Variants in GCA observed in about 807,000 individuals in gnomAD.
The protein encoded by GCA is grancalcin.
Under a neutral mutation model 32.6 loss-of-function variants are expected in GCA, and 30 were observed. The ratio of observed to expected loss-of-function variants is 0.92; its 90% CI spans 0.69 to 1.25. GCA has a LOEUF of 1.25. GCA is among the 50% of genes most tolerant of loss of function. The probability of loss-of-function intolerance (pLI) is 0.00; values close to 1 mark genes in which losing one functional copy is unlikely to be tolerated. For synonymous variants in GCA, 102 were observed against 84.6 expected (o/e 1.21, Z -1.13); for missense variants, 291 against 266.8 (o/e 1.09, Z -0.63).
At chr2:162,367,268 T>G (rs541334361), downstream of GCA, among the ~76,000 whole-genome samples, 33 of 152,070 alleles carry the variant, frequency 2.2e-4, no homozygotes, top group African/African-American at 6.5e-4. Context: ...TTTAAGACTG[T>G]GTAACATATC....
chr2:162,370,455 C>A (rs928350133), intron 4 of GCA, among the ~76,000 whole-genome samples: 14 of 151,802 alleles, frequency 9.2e-5, no homozygotes, highest in African/African-American at 3.4e-4. Context: ...TACATATGTC[C>A]CCCACAAAAA....
upstream of GCA, among the ~76,000 whole-genome samples, chr2:162,341,272 TA>T (rs1684437621): frequency 9.0e-6 from 1 of 110,638 alleles, no homozygotes; most frequent in Admixed American, 1.2e-4. Flanking sequence ...TTATTTTATA[TA>T]TATATATATA....
chr2:162,332,327 A>ATATATATATAATATATAATATTATT (rs1558886438), intron 1 of GCA, among the ~76,000 whole-genome samples: 2 of 140,860 alleles, frequency 1.4e-5, no homozygotes, highest in East Asian at 4.3e-4. Flanking sequence ...AAAAAAATAT[A>ATATATATATAATATATAATATTATT]TATATATATA....
At chr2:162,357,163 T>C (rs1321603808) in intron 5 of GCA, among the ~76,000 whole-genome samples, 3 of 151,920 alleles carry the variant, frequency 2.0e-5, no homozygotes, top group Non-Finnish European at 2.9e-5. Context: ...AATTTATTTC[T>C]TTGTTAGTAC....
chr2:162,322,380 T>C (rs1434131224), intron 1 of GCA, among the ~76,000 whole-genome samples: 3 of 147,360 alleles, frequency 2.0e-5, no homozygotes, highest in East Asian at 1.9e-4. Context: ...AATTGTTTTA[T>C]TTTACTTTAT....
intron 3 of GCA, among the ~76,000 whole-genome samples, chr2:162,352,735 G>C (rs891197071): frequency 1.3e-5 from 2 of 152,054 alleles, no homozygotes; most frequent in Non-Finnish European, 2.9e-5. Context: ...TGCTATGAAA[G>C]ATGAGGATTT....
intron 1 of GCA, among the ~76,000 whole-genome samples, chr2:162,345,131 G>GGTGGTGGTGGTT (rs146219747): frequency 0.012 from 1,716 of 143,924 alleles, 15 homozygotes; most frequent in Non-Finnish European, 0.015. Context: ...TGGTGGTGGT[G>GGTGGTGGTGGTT]GTGGTTGTGG....
chr2:162,353,967 A>G (rs1259676497), intron 3 of GCA, among the ~76,000 whole-genome samples: 17 of 150,520 alleles, frequency 1.1e-4, no homozygotes, highest in African/African-American at 3.9e-4. Context: ...TGAGTCTTTC[A>G]TTTCTGCTTT....
upstream of GCA, among the ~76,000 whole-genome samples, chr2:162,341,267 T>TTATA (rs3052040): frequency 0.087 from 10,064 of 115,868 alleles, 499 homozygotes; most frequent in Non-Finnish European, 0.11. Context: ...CTTATTTATT[T>TTATA]TATATATATA....
chr2:162,368,643 A>G (rs900005754), intron 4 of GCA, among the ~76,000 whole-genome samples: 4 of 152,016 alleles, frequency 2.6e-5, no homozygotes, highest in Non-Finnish European at 1.5e-5. Context: ...GGACCTTGTA[A>G]GCAATTCTTA....
rs146594371 is a variant in GCA at position 162,324,997 on chromosome 2, G to GA, written c.-31+5782dup. On this transcript the variant is annotated intron_variant, in intron 1 of 4. Transcript: ENST00000429691. Reference sequence around the variant, plus strand: ...AGTTTGATGGCTTCTAGGCATGGGAGAAAAAAAAAACAAGTTCTATAAGGT... The same window carrying GA: ...AGTTTGATGGCTTCTAGGCATGGGAGAAAAAAAAAAACAAGTTCTATAAGGT... 2.4e-4 allele frequency among the ~76,000 whole-genome samples: 36 copies of GA among 147,042 alleles called. 2 individuals carry two copies. In the South Asian group the frequency reaches 4.3e-3, roughly 17 times the overall value.
At chr2:162,322,639 T>C (rs1683720415) in intron 1 of GCA, among the ~76,000 whole-genome samples, 1 of 145,154 alleles carries the variant, frequency 6.9e-6, no homozygotes. Context: ...TTCCCACCTA[T>C]GAGTGAGAAT....
chr2:162,348,965 G>A (rs1008041769), intron 2 of GCA, among the ~76,000 whole-genome samples: 32 of 151,920 alleles, frequency 2.1e-4, no homozygotes, highest in African/African-American at 7.5e-4. Flanking sequence ...TATTATATGA[G>A]TCAAATTCCT....
chr2:162,368,635 A>C (rs1268650101), intron 4 of GCA, among the ~76,000 whole-genome samples: 1 of 152,004 alleles, frequency 6.6e-6, no homozygotes, highest in East Asian at 1.9e-4. Flanking sequence ...CTCCAAAAGG[A>C]CCTTGTAAGC....
intron 1 of GCA, among the ~76,000 whole-genome samples, chr2:162,333,894 G>C (rs1684177806): frequency 6.6e-6 from 1 of 152,152 alleles, no homozygotes; most frequent in Non-Finnish European, 1.5e-5. Flanking sequence ...GTGAACCCTA[G>C]AGATAGCCTG....
chr2:162,372,251 G>A (rs368729924), downstream of GCA, among the ~76,000 whole-genome samples: 9 of 152,112 alleles, frequency 5.9e-5, no homozygotes, highest in Admixed American at 1.3e-4. Flanking sequence ...GAGTCAGGAC[G>A]TCGGAGATTG....
intron 1 of GCA, among the ~76,000 whole-genome samples, chr2:162,344,799 A>C (rs955418388): frequency 6.6e-6 from 1 of 151,980 alleles, no homozygotes; most frequent in Non-Finnish European, 1.5e-5. Flanking sequence ...CTTTGTTATA[A>C]CTTTTATCCT....
At chr2:162,352,057 T>A (rs1194825356) in intron 2 of GCA, among the ~76,000 whole-genome samples, 2 of 152,198 alleles carry the variant, frequency 1.3e-5, no homozygotes, top group East Asian at 1.9e-4. Flanking sequence ...TTTTTCTAAC[T>A]GTTTAAAATA....
chr2:162,326,872 C>G (rs1437050091), intron 1 of GCA, among the ~76,000 whole-genome samples: 1 of 152,120 alleles, frequency 6.6e-6, no homozygotes, highest in African/African-American at 2.4e-5. Flanking sequence ...AGAAAGCAAG[C>G]GTCCTCCCTC....
Sources: gnomAD v4.1 joint callset for allele counts (sites outside exome capture counted in the v4.1 genomes callset) on GRCh38, gnomAD v4.1.1 for gene constraint, MANE v1.5 for transcripts, NCBI Gene and HGNC (gene_info 2026-07-23, HGNC 2026-07-21) for gene names.